PTER: variants seen among roughly 807,000 people sequenced by gnomAD.
PTER encodes the protein phosphotriesterase related, also known as N-acetyltaurine hydrolase.
Under a neutral mutation model 29.6 loss-of-function variants are expected in PTER, and 38 were observed. The observed-to-expected ratio is 1.28, with a 90% CI of 0.99 to 1.68. The LOEUF is 1.68. PTER is among the 40% of genes most tolerant of loss of function. The probability of loss-of-function intolerance (pLI) is 0.00; values close to 1 mark genes in which losing one functional copy is unlikely to be tolerated. For missense variants in PTER, 482 were observed against 427.8 expected, an observed-to-expected ratio of 1.13 and a Z score of -1.12; for synonymous variants, 172 against 154.5, an observed-to-expected ratio of 1.11 and a Z score of -0.84.
chr10:16,469,951 G>C (rs1161030932), intron 1 of PTER, among the ~76,000 whole-genome samples: 1 of 151,868 alleles, frequency 6.6e-6, no homozygotes, highest in African/African-American at 2.4e-5. Flanking sequence ...GCATCAGAGA[G>C]AATGTGAAAA....
chr10:16,499,246 T>A (rs1353582283), intron 3 of PTER, among the ~76,000 whole-genome samples: 1 of 152,084 alleles, frequency 6.6e-6, no homozygotes, highest in Admixed American at 6.5e-5. Context: ...TTGATTTTCT[T>A]GTTTCCCGTC....
chr10:16,469,370 T>G (rs1834963175), intron 1 of PTER, among the ~76,000 whole-genome samples: 1 of 152,196 alleles, frequency 6.6e-6, no homozygotes, highest in African/African-American at 2.4e-5. Context: ...GACACATTCT[T>G]GTCTGCGATT....
At chr10:16,498,498 G>A (rs373492186) in intron 3 of PTER, among the ~76,000 whole-genome samples, 79 of 152,270 alleles carry the variant, frequency 5.2e-4, no homozygotes, top group African/African-American at 1.8e-3. Flanking sequence ...CAGGAGAATC[G>A]CTTGAACCCA....
intron 1 of PTER, among the ~76,000 whole-genome samples, chr10:16,467,641 G>A (rs1242707034): frequency 2.0e-5 from 3 of 152,094 alleles, no homozygotes; most frequent in Non-Finnish European, 4.4e-5. Context: ...GTGAAACGCA[G>A]TCTCTACTAA....
At chr10:16,441,382 CG>C (rs375116249) in intron 1 of PTER, among the ~76,000 whole-genome samples, 80 of 151,956 alleles carry the variant, frequency 5.3e-4, no homozygotes, top group African/African-American at 1.8e-3. Flanking sequence ...TTGACTAATA[CG>C]TTTTTTTTCA....
In PTER at chr10:16,476,376, G is replaced by A. The variant is rs556949804; in HGVS notation, c.-48-7961G>A. ...ATTACAGGCCTGAGCCACCATGCCC[G>A]ACCTCATACTTTCTTATTTAAGTGG... On this transcript the variant is annotated intron_variant, in intron 1 of 4. Coordinates refer to ENST00000535784, the MANE Select transcript of PTER (RefSeq NM_001261836.2). Among the ~76,000 whole-genome samples, 67 of 152,088 alleles carry A rather than the reference G, an allele frequency of 4.4e-4. No homozygotes were observed. In the South Asian group the frequency reaches 6.2e-3, roughly 14 times the overall value.
downstream of PTER, chr10:16,514,466 C>T: frequency 1.4e-6 from 2 of 1,443,252 alleles, no homozygotes; most frequent in East Asian, 4.6e-5. Context: ...CCTTGATTCA[C>T]TGACGTTAGC....
intron 1 of PTER, among the ~76,000 whole-genome samples, chr10:16,459,846 C>T (rs1207019688): frequency 1.3e-5 from 2 of 152,156 alleles, no homozygotes; most frequent in Non-Finnish European, 2.9e-5. Context: ...CTCCCGGGTT[C>T]AACCGAGTCT....
At chr10:16,472,708 T>C (rs1835098682) in intron 1 of PTER, among the ~76,000 whole-genome samples, 1 of 152,230 alleles carries the variant, frequency 6.6e-6, no homozygotes, top group African/African-American at 2.4e-5. Context: ...GGATAATAAT[T>C]CCTAATAAAT....
intron 1 of PTER, among the ~76,000 whole-genome samples, chr10:16,458,113 A>C (rs1363586574): frequency 6.6e-6 from 1 of 152,228 alleles, no homozygotes; most frequent in Non-Finnish European, 1.5e-5. Flanking sequence ...AAAACAAAAG[A>C]AACCCTATTA....
chr10:16,441,888 C>CT (rs376704985), intron 1 of PTER, among the ~76,000 whole-genome samples: 4,977 of 146,232 alleles, frequency 0.034, 248 homozygotes, highest in African/African-American at 0.12. Flanking sequence ...CATAATCAGC[C>CT]TTTTTTTTTT....
chr10:16,457,350 C>G (rs557361351), intron 1 of PTER, among the ~76,000 whole-genome samples: 185 of 151,884 alleles, frequency 1.2e-3, no homozygotes, highest in African/African-American at 4.4e-3. Flanking sequence ...GTAGCTGGGA[C>G]TACAGGCGCC....
At chr10:16,471,042 C>T (rs1253344871) in intron 1 of PTER, among the ~76,000 whole-genome samples, 1 of 152,156 alleles carries the variant, frequency 6.6e-6, no homozygotes, top group African/African-American at 2.4e-5. Flanking sequence ...TTATTCAGGC[C>T]ATGGAGCTTT....
chr10:16,492,544 C>A (rs1421805402), intron 3 of PTER, among the ~76,000 whole-genome samples: 1 of 152,126 alleles, frequency 6.6e-6, no homozygotes, highest in East Asian at 1.9e-4. Flanking sequence ...ATTAGAGTAG[C>A]TGTAGGTATT....
chr10:16,509,931 G>C (rs532721917), intron 4 of PTER, among the ~76,000 whole-genome samples: 1 of 151,382 alleles, frequency 6.6e-6, no homozygotes, highest in African/African-American at 2.4e-5. Flanking sequence ...AGTTTTTTTT[G>C]TGTGTGTAGT....
intron 1 of PTER, among the ~76,000 whole-genome samples, chr10:16,471,437 C>G (rs1360555771): frequency 2.0e-5 from 3 of 151,950 alleles, no homozygotes; most frequent in Non-Finnish European, 4.4e-5. Flanking sequence ...ACATTAAAAA[C>G]TGGAAAATAC....
chr10:16,478,266 A>ACTATAGTGAGTGAGTTACT (rs756594172), intron 1 of PTER, among the ~76,000 whole-genome samples: 1 of 151,922 alleles, frequency 6.6e-6, no homozygotes, highest in Non-Finnish European at 1.5e-5. Flanking sequence ...TATAGTGAGT[A>ACTATAGTGAGTGAGTTACT]ATGTTGCACT....
Position 16,484,322 on chromosome 10 carries a change from T to A in PTER, c.-48-15T>A, listed in dbSNP as rs1835596043. The A allele has an allele frequency of 7.1e-7, 1 of 1,412,712 alleles. No homozygotes were observed. Among genetic ancestry groups the A allele is most frequent in the South Asian group, 1.4e-5 (1 of 72,022 alleles). The allele number at this position is 1,412,712 out of a possible 1,614,324, so 87.5% of individuals were successfully genotyped here. A position where few individuals can be genotyped will look rare whatever the true frequency, so the allele number is the denominator to read the frequency against. On this transcript the variant is annotated splice_polypyrimidine_tract_variant and intron_variant, in intron 1 of 4. Coordinates refer to ENST00000535784, the MANE Select transcript of PTER (RefSeq NM_001261836.2). ...TATTCTGATTGTAGTTGTTTGTTTG[T>A]TTGTTTGTTTTTAGAAAAAAGAAAT...
Position 16,511,141 on chromosome 10 carries a change from G to A in PTER, c.935G>A (p.Gly312Asp). ...CGGCTGATGAAATATGGAGGTCACG[G>A]CTATTCTCATATACTCACCAATGTT... ...KTRLMKYGGHGYSHILTNVVP... is the reference protein window; with the variant it reads ...KTRLMKYGGHDYSHILTNVVP... Residue 312 changes from glycine to aspartate, a missense_variant, in exon 5 of 5, where the codon GGC (glycine) becomes GAC (aspartate). Coordinates refer to ENST00000535784, the MANE Select transcript of PTER (RefSeq NM_001261836.2). 1 of 1,614,104 alleles carries A rather than the reference G, an allele frequency of 6.2e-7. No individual in the cohort carries two copies. Among genetic ancestry groups the A allele is most frequent in the South Asian group, 1.1e-5 (1 of 91,078 alleles).
Sources: allele counts gnomAD v4.1 joint callset (sites outside exome capture counted in the v4.1 genomes callset), GRCh38; gene constraint gnomAD v4.1.1; transcripts MANE v1.5; gene names NCBI Gene and HGNC (gene_info 2026-07-23, HGNC 2026-07-21).